The following ROBO2 variants were observed in gnomAD, a reference collection of about 807,000 sequenced individuals.
ROBO2 encodes the protein roundabout homolog 2.
A neutral mutation model predicts 160.8 loss-of-function variants in ROBO2; 53 were observed. The ratio of observed to expected loss-of-function variants is 0.33; its 90% CI spans 0.26 to 0.41. ROBO2 has a LOEUF of 0.41. Among genes scored for constraint, ROBO2 ranks in the 10% least tolerant of loss-of-function variants. The pLI is 1.00. For missense variants in ROBO2, 1,577 were observed against 1,722.4 expected (o/e 0.92, Z 1.49); for synonymous variants, 664 against 611.7 (o/e 1.09, Z -1.26).
Position 76,810,849 on chromosome 3 carries a change from G to A in ROBO2, c.110-287165G>A, listed in dbSNP as rs138199529. ...ATTAAGAAAGGTATTAAGAAACAAA[G>A]CATTACTATTTGGAGAAGATAGATA... On this transcript the variant is annotated intron_variant, in intron 2 of 26. Transcript: ENST00000487694. Among the ~76,000 whole-genome samples, 613 of 152,196 alleles carry A rather than the reference G, an allele frequency of 4.0e-3. 7 individuals are homozygous for A. The highest frequency in any genetic ancestry group is 5.4e-3 in the Non-Finnish European group (368 of 67,980).
At chr3:75,931,561 A>G (rs1947538580) in intron 1 of ROBO2, among the ~76,000 whole-genome samples, 1 of 152,118 alleles carries the variant, frequency 6.6e-6, no homozygotes, top group African/African-American at 2.4e-5. Context: ...CATGTTGATC[A>G]GACTGGTCTT....
intron 2 of ROBO2, among the ~76,000 whole-genome samples, chr3:76,026,591 C>T (rs1190208758): frequency 1.3e-5 from 2 of 151,888 alleles, no homozygotes; most frequent in Admixed American, 6.6e-5. Context: ...TTTCTGTAGA[C>T]ATGCAATATG....
At chr3:76,283,586 AAG>A (rs1708358138) in intron 2 of ROBO2, among the ~76,000 whole-genome samples, 2 of 151,962 alleles carry the variant, frequency 1.3e-5, no homozygotes, top group South Asian at 4.1e-4. Context: ...AAGCTTTTAA[AAG>A]AGTGAATTTC....
chr3:77,388,236 A>G (rs2074340729), intron 2 of ROBO2, among the ~76,000 whole-genome samples: 2 of 152,086 alleles, frequency 1.3e-5, no homozygotes, highest in African/African-American at 4.8e-5. Flanking sequence ...TATCTTTTCA[A>G]TGTATATTCA....
chr3:76,072,266 T>C (rs1054022369), intron 2 of ROBO2, among the ~76,000 whole-genome samples: 2 of 152,234 alleles, frequency 1.3e-5, no homozygotes, highest in East Asian at 3.9e-4. Flanking sequence ...GGTTTTTTTT[T>C]CCTTGAGGCA....
At chr3:76,682,592 G>A (rs1374759513) in intron 2 of ROBO2, among the ~76,000 whole-genome samples, 2 of 152,026 alleles carry the variant, frequency 1.3e-5, no homozygotes, top group East Asian at 3.9e-4. Context: ...ATTTTTAGTA[G>A]AGACGGGATT....
rs530200567 is a variant in ROBO2, at chr3:77,063,555, T to C, written c.61+22709T>C. 9.6e-4 allele frequency among the ~76,000 whole-genome samples: 146 copies of C among 152,322 alleles called. 1 individual carries two copies. The highest frequency in any genetic ancestry group is 3.3e-3 in the African/African-American group (139 of 41,578). ...CCATAATCATGTAACTCTTTCTTCC[T>C]TTCTCCTGGATTATAACTTACTTGA... On this transcript the variant is annotated intron_variant, in intron 1 of 25. Transcript: ENST00000461745.
chr3:76,091,532 A>G (rs1429646150), intron 2 of ROBO2, among the ~76,000 whole-genome samples: 1 of 152,110 alleles, frequency 6.6e-6, no homozygotes, highest in Non-Finnish European at 1.5e-5. Flanking sequence ...TTCTTACAAA[A>G]CTAACCGGCT....
intron 2 of ROBO2, among the ~76,000 whole-genome samples, chr3:76,713,338 A>G (rs1194648580): frequency 6.6e-6 from 1 of 152,160 alleles, no homozygotes; most frequent in African/African-American, 2.4e-5. Flanking sequence ...ATTTCTTTCT[A>G]GTTTTAATCA....
chr3:76,246,211 G>A (rs1355169176), intron 2 of ROBO2, among the ~76,000 whole-genome samples: 1 of 151,924 alleles, frequency 6.6e-6, no homozygotes, highest in African/African-American at 2.4e-5. Flanking sequence ...TCTCACAAGA[G>A]TAACTCTTTG....
chr3:76,691,286 C>T (rs2107221353), intron 2 of ROBO2, among the ~76,000 whole-genome samples: 1 of 152,202 alleles, frequency 6.6e-6, no homozygotes, highest in Non-Finnish European at 1.5e-5. Context: ...AAGGCCCTCA[C>T]AAGATGCAGT....
At chr3:76,873,601 G>A (rs982556360) in intron 2 of ROBO2, among the ~76,000 whole-genome samples, 5 of 150,974 alleles carry the variant, frequency 3.3e-5, no homozygotes, top group African/African-American at 7.2e-5. Context: ...TGTCGTCGTC[G>A]TAGTAGTAGT....
At chr3:77,089,456 C>G (rs2069823497) in intron 1 of ROBO2, among the ~76,000 whole-genome samples, 1 of 152,118 alleles carries the variant, frequency 6.6e-6, no homozygotes, top group Non-Finnish European at 1.5e-5. Flanking sequence ...TTTGACAAAC[C>G]TCTTTTATCC....
chr3:76,764,359 A>T (rs1007513480), intron 2 of ROBO2, among the ~76,000 whole-genome samples: 1 of 151,660 alleles, frequency 6.6e-6, no homozygotes, highest in African/African-American at 2.4e-5. Flanking sequence ...TCCACATTCT[A>T]TTGTAACTGT....
intron 2 of ROBO2, among the ~76,000 whole-genome samples, chr3:77,269,737 T>C (rs976599592): frequency 6.6e-5 from 10 of 152,122 alleles, no homozygotes; most frequent in East Asian, 1.9e-4. Context: ...ATTTCTGAGA[T>C]TGACAACAAG....
intron 2 of ROBO2, among the ~76,000 whole-genome samples, chr3:77,164,902 C>T (rs1282258353): frequency 9.3e-6 from 1 of 107,426 alleles, no homozygotes; most frequent in Non-Finnish European, 2.2e-5. Flanking sequence ...GGTCAGCCCC[C>T]CGCCCGGCCA....
intron 2 of ROBO2, among the ~76,000 whole-genome samples, chr3:76,846,487 G>A (rs1461433115): frequency 1.3e-5 from 2 of 151,970 alleles, no homozygotes; most frequent in African/African-American, 2.4e-5. Flanking sequence ...AAGATGAATC[G>A]ATTTTTTGTT....
intron 2 of ROBO2, among the ~76,000 whole-genome samples, chr3:76,942,908 CTT>C (rs2149121375): frequency 6.6e-6 from 1 of 152,132 alleles, no homozygotes; most frequent in South Asian, 2.1e-4. Context: ...ACTTTATTAA[CTT>C]ATGTTGAGCA....
At chr3:77,462,381 TC>T (rs1243024707) in intron 2 of ROBO2, among the ~76,000 whole-genome samples, 1 of 152,214 alleles carries the variant, frequency 6.6e-6, no homozygotes, top group Admixed American at 6.5e-5. Flanking sequence ...GAATTTTTAG[TC>T]TATCTTTGAA....
Sources: gnomAD v4.1 joint callset for allele counts (sites outside exome capture counted in the v4.1 genomes callset) on GRCh38, gnomAD v4.1.1 for gene constraint, MANE v1.5 for transcripts, NCBI Gene and HGNC (gene_info 2026-07-23, HGNC 2026-07-21) for gene names.